The following CEP128 variants were observed in gnomAD, a reference collection of about 807,000 sequenced individuals.
CEP128 encodes centrosomal protein 128.
A neutral mutation model predicts 156.7 loss-of-function variants in CEP128; 132 were observed. That is an observed-to-expected ratio of 0.84 (90% CI 0.73 to 0.97). The LOEUF is 0.97. CEP128 is among the 50% of genes least tolerant of loss of function. The pLI, the probability that CEP128 is intolerant of heterozygous loss-of-function variation, is 0.00. For missense variants in CEP128, 1,252 were observed against 1,281.9 expected (o/e 0.98, Z 0.36); for synonymous variants, 469 against 448.9 (o/e 1.04, Z -0.57).
intron 21 of CEP128, among the ~76,000 whole-genome samples, chr14:80,557,558 T>C (rs538753157): frequency 6.6e-6 from 1 of 152,314 alleles, no homozygotes; most frequent in South Asian, 2.1e-4. Flanking sequence ...CAAGACACTT[T>C]CTAAGGGTAA....
At chr14:80,494,816 ATAGG>A (rs1887437715), downstream of CEP128, among the ~76,000 whole-genome samples, 1 of 152,178 alleles carries the variant, frequency 6.6e-6, no homozygotes, top group Non-Finnish European at 1.5e-5. Context: ...ATTAGTAAAA[ATAGG>A]TAGGTAAACT....
chr14:80,737,231 CCTT>C (rs1898578371), intron 19 of CEP128, among the ~76,000 whole-genome samples: 1 of 151,948 alleles, frequency 6.6e-6, no homozygotes, highest in Non-Finnish European at 1.5e-5. Context: ...TGGTGAAACT[CCTT>C]CTCTTCTAAT....
intron 19 of CEP128, among the ~76,000 whole-genome samples, chr14:80,617,698 T>C (rs1430750416): frequency 1.3e-5 from 2 of 152,128 alleles, no homozygotes; most frequent in Non-Finnish European, 2.9e-5. Context: ...ACCCAGCACC[T>C]GGGGAGACCG....
intron 8 of CEP128, among the ~76,000 whole-genome samples, chr14:80,873,723 C>T (rs1382361525): frequency 6.6e-6 from 1 of 152,032 alleles, no homozygotes; most frequent in Admixed American, 6.6e-5. Context: ...TTGTAACTCC[C>T]ACAATTCCCA....
At chr14:80,478,268 T>C (rs990572991) in exon 15 of CEP128, 5 of 151,818 alleles carry the variant, frequency 3.3e-5, no homozygotes, top group African/African-American at 1.2e-4. Context: ...CTGCTCTTTG[T>C]TCCCTCTCTT....
chr14:80,631,213 T>C (rs904215726), intron 19 of CEP128, among the ~76,000 whole-genome samples: 13 of 152,034 alleles, frequency 8.6e-5, no homozygotes, highest in African/African-American at 2.9e-4. Context: ...AGTAGAGTCT[T>C]TAGCCCAGAA....
In CEP128 at chr14:80,661,137, T is replaced by C. The variant is rs182578504; in HGVS notation, c.2807-80714A>G. Among the ~76,000 whole-genome samples, 15 of 152,172 alleles carry C rather than the reference T, an allele frequency of 9.9e-5. No individual in the cohort carries two copies. The East Asian group carries it at 2.5e-3, about 25-fold the overall frequency. On this transcript the variant is annotated intron_variant, in intron 19 of 24. Coordinates refer to ENST00000555265, the MANE Select transcript of CEP128 (RefSeq NM_152446.5). ...GCGTGGCTACTCAATGAAATAGAAA[T>C]ATGGGATTAAGCAATGGAACTAGTA...
At chr14:80,547,196 AGTT>A (rs1890021356) in intron 21 of CEP128, among the ~76,000 whole-genome samples, 1 of 152,200 alleles carries the variant, frequency 6.6e-6, no homozygotes, top group African/African-American at 2.4e-5. Flanking sequence ...ACTAGATCAA[AGTT>A]GTTGTATGAA....
chr14:80,771,023 A>T (rs1900486228), intron 16 of CEP128, among the ~76,000 whole-genome samples: 1 of 152,182 alleles, frequency 6.6e-6, no homozygotes, highest in Non-Finnish European at 1.5e-5. Flanking sequence ...TTTCCCCATC[A>T]TCAAAAAATA....
At chr14:80,747,307 T>C (rs1164496874) in intron 18 of CEP128, among the ~76,000 whole-genome samples, 1 of 152,250 alleles carries the variant, frequency 6.6e-6, no homozygotes. Context: ...AGCATTATAA[T>C]AACAGCCAAA....
chr14:80,944,317 C>T (rs1330827895), upstream of CEP128, among the ~76,000 whole-genome samples: 6 of 152,068 alleles, frequency 3.9e-5, no homozygotes, highest in African/African-American at 1.4e-4. Context: ...GGGGAGGAAC[C>T]TTGTGAGGGG....
At chr14:80,531,415 G>C (rs1236044800) in intron 21 of CEP128, among the ~76,000 whole-genome samples, 1 of 152,184 alleles carries the variant, frequency 6.6e-6, no homozygotes, top group Non-Finnish European at 1.5e-5. Flanking sequence ...ATTTGCTTCA[G>C]GGACACAAGG....
intron 19 of CEP128, among the ~76,000 whole-genome samples, chr14:80,667,841 G>C (rs1183890804): frequency 7.5e-6 from 1 of 133,430 alleles, no homozygotes; most frequent in Non-Finnish European, 1.5e-5. Context: ...CTGGGCAACA[G>C]AGCGAGACTC....
intron 19 of CEP128, among the ~76,000 whole-genome samples, chr14:80,594,964 C>T (rs2140501835): frequency 6.6e-6 from 1 of 152,242 alleles, no homozygotes; most frequent in South Asian, 2.1e-4. Context: ...CCCAGCAATC[C>T]CATTACTGGG....
chr14:80,829,517 C>T (rs1885668190), intron 13 of CEP128, among the ~76,000 whole-genome samples: 1 of 152,196 alleles, frequency 6.6e-6, no homozygotes, highest in African/African-American at 2.4e-5. Flanking sequence ...TCAAGCAATC[C>T]TTTCACCTCA....
chr14:80,643,709 C>CAAAAAAAAA (rs33912853), intron 19 of CEP128, among the ~76,000 whole-genome samples: 1 of 145,534 alleles, frequency 6.9e-6, no homozygotes, highest in African/African-American at 2.5e-5. Flanking sequence ...GACTCCATCT[C>CAAAAAAAAA]AAAAAAATCG....
chr14:80,639,049 C>T (rs1894305920), intron 19 of CEP128, among the ~76,000 whole-genome samples: 1 of 152,042 alleles, frequency 6.6e-6, no homozygotes, highest in Admixed American at 6.6e-5. Flanking sequence ...ACATACATTG[C>T]TTAATACAAT....
chr14:80,725,019 G>GATATATATAT (rs563908140), intron 19 of CEP128, among the ~76,000 whole-genome samples: 15 of 138,846 alleles, frequency 1.1e-4, no homozygotes, highest in African/African-American at 4.0e-4. Flanking sequence ...ATACATATAT[G>GATATATATAT]ATATATATAT....
intron 16 of CEP128, among the ~76,000 whole-genome samples, chr14:80,769,092 G>T (rs1457609175): frequency 1.3e-5 from 2 of 152,044 alleles, no homozygotes; most frequent in African/African-American, 4.8e-5. Flanking sequence ...AATGAAATAT[G>T]GACAAGGGAA....
Sources: allele counts gnomAD v4.1 joint callset (sites outside exome capture counted in the v4.1 genomes callset), GRCh38; gene constraint gnomAD v4.1.1; transcripts MANE v1.5; gene names NCBI Gene and HGNC (gene_info 2026-07-23, HGNC 2026-07-21).